The following KRT7 variants were observed in gnomAD, a reference collection of about 807,000 sequenced individuals.
KRT7 encodes keratin 7.
A neutral mutation model predicts 42.8 loss-of-function variants in KRT7; 50 were observed. The observed-to-expected ratio is 1.17, with a 90% confidence interval of 0.93 to 1.48. The LOEUF is 1.48. KRT7 is among the 40% of genes most tolerant of loss of function. The probability of loss-of-function intolerance (pLI) is 0.00; values close to 1 mark genes in which losing one functional copy is unlikely to be tolerated. For synonymous variants in KRT7, 268 were observed against 266.3 expected, an observed-to-expected ratio of 1.01 and a Z score of -0.06; for missense variants, 588 against 637.6, an observed-to-expected ratio of 0.92 and a Z score of 0.84.
chr12:52,253,258 G>A (rs1942294448), downstream of KRT7: 11 of 1,611,404 alleles, frequency 6.8e-6, no homozygotes, highest in Non-Finnish European at 9.3e-6. Flanking sequence ...TCTGGATCAT[G>A]CGGTTCAGCT....
At chr12:52,248,371 G>GC (rs1942208652) in intron 8 of KRT7, among the ~76,000 whole-genome samples, 160 bp downstream of exon 8, 4 of 152,192 alleles carry the variant, frequency 2.6e-5, no homozygotes, top group Non-Finnish European at 5.9e-5. Flanking sequence ...ATACTGCCAG[G>GC]CTCAATGGCC....
At chr12:52,239,335 G>A (rs553113466) in intron 4 of KRT7, among the ~76,000 whole-genome samples, 5 of 152,296 alleles carry the variant, frequency 3.3e-5, no homozygotes, top group African/African-American at 9.6e-5. Context: ...GAGAAGCTGG[G>A]GGCTGACAAG....
intron 4 of KRT7, among the ~76,000 whole-genome samples, chr12:52,239,812 T>C (rs1279121611): frequency 6.6e-6 from 1 of 152,176 alleles, no homozygotes; most frequent in Non-Finnish European, 1.5e-5. Flanking sequence ...TCCCTTCTTA[T>C]TCTCTCCCTC....
intron 4 of KRT7, among the ~76,000 whole-genome samples, chr12:52,240,741 T>C (rs972740592): frequency 8.5e-5 from 13 of 152,198 alleles, no homozygotes; most frequent in Non-Finnish European, 1.9e-4. Context: ...TATAGAAATA[T>C]ACATTTTCAA....
intron 2 of KRT7, among the ~76,000 whole-genome samples, chr12:52,236,197 G>GCC (rs5798204): frequency 0.037 from 5,348 of 145,506 alleles, 324 homozygotes; most frequent in African/African-American, 0.13. Context: ...TCTGTGGAGT[G>GCC]CCCCCCCCCA....
intron 2 of KRT7, among the ~76,000 whole-genome samples, chr12:52,236,922 G>A (rs999730941): frequency 6.6e-6 from 1 of 152,164 alleles, no homozygotes; most frequent in Non-Finnish European, 1.5e-5. Flanking sequence ...TCAGGACTTT[G>A]TGTATCCCTC....
In KRT7 at chr12:52,248,754, C is replaced by A. The variant is rs146555771; in HGVS notation, c.1404C>A (p.Arg468=). The change falls in exon 9 of 9, where the codon CGC becomes CGA. Residue 468 remains arginine, a synonymous_variant. Transcript: ENST00000331817. The part of the protein sequence containing the change: ...RTASASRRSA[R]D ...CATCCGCCAGTCGCAGGAGTGCCCG[C>A]GACTGAGCCGCCTCCCACCACTCCA... 227 of 1,559,874 alleles carry A rather than the reference C, an allele frequency of 1.5e-4. No homozygotes were observed. The East Asian group carries it at 4.5e-3, about 31-fold the overall frequency.
downstream of KRT7, chr12:52,250,540 C>A (rs1330141562): frequency 9.1e-7 from 1 of 1,094,756 alleles, no homozygotes; most frequent in Non-Finnish European, 1.3e-6. Flanking sequence ...CTCACCGCCA[C>A]GTTCCCGCTG....
chr12:52,254,663 C>T (rs933630847), downstream of KRT7, among the ~76,000 whole-genome samples: 27 of 152,288 alleles, frequency 1.8e-4, no homozygotes, highest in African/African-American at 6.5e-4. Context: ...AACTTAAGAT[C>T]TGGTGTACAG....
rs201851952 is a variant in KRT7 at position 52,233,512 on chromosome 12, G to A, written c.216G>A (p.Leu72=). ...GCGAGGTCACCATTAACCAGAGCCT[G>A]CTGGCCCCGCTGCGGCTGGACGCCG... ...GIREVTINQS[L]LAPLRLDADP... The change falls in exon 1 of 9, where the codon CTG becomes CTA. Residue 72 remains leucine (L), a synonymous_variant. Transcript: ENST00000331817. 4 of 1,612,788 alleles carry A rather than the reference G, an allele frequency of 2.5e-6. No individual in the cohort carries two copies. The South Asian group carries it at 3.3e-5, about 13-fold the overall frequency.
intron 1 of KRT7, among the ~76,000 whole-genome samples, chr12:52,234,005 C>T (rs1211076658): frequency 2.0e-5 from 3 of 151,744 alleles, no homozygotes; most frequent in Admixed American, 6.6e-5. Flanking sequence ...GAGAGAGGAC[C>T]GTGTGGAGTC....
chr12:52,233,987 C>G (rs1941965318), intron 1 of KRT7, among the ~76,000 whole-genome samples: 1 of 152,202 alleles, frequency 6.6e-6, no homozygotes, highest in East Asian at 1.9e-4. Context: ...CTCTGGGACC[C>G]TTTCCCTGAG....
chr12:52,234,307 G>A (rs1049433548), intron 1 of KRT7, among the ~76,000 whole-genome samples: 4 of 152,142 alleles, frequency 2.6e-5, no homozygotes, highest in African/African-American at 9.7e-5. Flanking sequence ...GTTGGCCTCC[G>A]CCACACATGG....
downstream of KRT7, chr12:52,250,786 T>A (rs544559570): frequency 6.4e-5 from 25 of 392,666 alleles, no homozygotes; most frequent in African/African-American, 5.1e-4. Flanking sequence ...GCGTCCTTGA[T>A]ACACTGTTAG....
chr12:52,233,963 G>A lies in KRT7; in HGVS notation c.324+343G>A, dbSNP rs117615529. Among the ~76,000 whole-genome samples the A allele has an allele frequency of 4.7e-4, 72 of 152,310 alleles. No individual in the cohort carries two copies. The East Asian group carries it at 0.013, about 27-fold the overall frequency. On this transcript the variant is annotated intron_variant, in intron 1 of 8. Coordinates refer to ENST00000331817, the MANE Select transcript of KRT7 (RefSeq NM_005556.4). ...CGGACTAGGAGTTCCAGAGGCCTAG[G>A]CCAGGAGTTCTCTCTCTGGGACCCT...
At chr12:52,249,407 C>CATCT, downstream of KRT7, 1 of 152,572 alleles carries the variant, frequency 6.6e-6, no homozygotes, top group South Asian at 2.1e-4. Flanking sequence ...GAGAGGTCCT[C>CATCT]TGCATCTTGA....
In KRT7 at chr12:52,233,296, C is replaced by T; in HGVS notation, c.-1C>T. ...GCTAGGTCCATCCCGGCCCAGCCAC[C>T]ATGTCCATCCACTTCAGCTCCCCGG... On this transcript the variant is annotated 5_prime_UTR_variant, in exon 1 of 9. Transcript: ENST00000331817. The T allele has an allele frequency of 1.9e-6, 3 of 1,547,682 alleles. No homozygotes were observed. The highest frequency in any genetic ancestry group is 2.6e-5 in the East Asian group (1 of 38,100).
chr12:52,239,086 C>T (rs1490558528), intron 4 of KRT7, among the ~76,000 whole-genome samples: 2 of 152,174 alleles, frequency 1.3e-5, no homozygotes, highest in Non-Finnish European at 2.9e-5. Flanking sequence ...TCACGATCTT[C>T]CTGGACGTTG....
At chr12:52,246,625 G>C (rs1942177263) in intron 7 of KRT7, among the ~76,000 whole-genome samples, 1 of 152,136 alleles carries the variant, frequency 6.6e-6, no homozygotes, top group South Asian at 2.1e-4. Context: ...GGAGGAGGAA[G>C]GGGCTTTGCC....
Sources: gnomAD v4.1 joint callset for allele counts (sites outside exome capture counted in the v4.1 genomes callset) on GRCh38, gnomAD v4.1.1 for gene constraint, MANE v1.5 for transcripts, NCBI Gene and HGNC (gene_info 2026-07-23, HGNC 2026-07-21) for gene names.